PDE3A: variants seen among roughly 807,000 people sequenced by gnomAD.
PDE3A encodes the protein cGMP-inhibited 3',5'-cyclic phosphodiesterase 3A.
A neutral mutation model predicts 98.3 loss-of-function variants in PDE3A; 43 were observed. That is an observed-to-expected ratio of 0.44 (90% confidence interval 0.34 to 0.56). PDE3A has a LOEUF of 0.56. Ranked by LOEUF, PDE3A falls within the 20% of genes least tolerant of loss-of-function variation. PDE3A has a pLI of 0.01. For missense variants in PDE3A, 1,427 were observed against 1,440.7 expected (o/e 0.99, Z 0.15); for synonymous variants, 663 against 567.9 (o/e 1.17, Z -2.38).
At chr12:20,671,163 T>G (rs1945468128) in intron 15 of PDE3A, among the ~76,000 whole-genome samples, 1 of 147,178 alleles carries the variant, frequency 6.8e-6, no homozygotes, top group Non-Finnish European at 1.5e-5. Context: ...AAGTTGAATC[T>G]CTGAATAGAC....
chr12:20,508,602 C>G (rs1485787136), intron 1 of PDE3A, among the ~76,000 whole-genome samples: 2 of 151,894 alleles, frequency 1.3e-5, no homozygotes, highest in African/African-American at 4.8e-5. Context: ...TCCATTTAGA[C>G]GTCATACCCT....
chr12:20,669,545 C>T (rs1344609296), intron 15 of PDE3A, among the ~76,000 whole-genome samples: 1 of 151,994 alleles, frequency 6.6e-6, no homozygotes, highest in African/African-American at 2.4e-5. Flanking sequence ...GGCCAATATT[C>T]AACATTCTTA....
chr12:20,420,193 G>T (rs911945483), intron 1 of PDE3A, among the ~76,000 whole-genome samples: 1 of 152,132 alleles, frequency 6.6e-6, no homozygotes, highest in Admixed American at 6.5e-5. Context: ...CAAAGGGCTT[G>T]GGTATCACAT....
chr12:20,491,428 G>T (rs192691033), intron 1 of PDE3A, among the ~76,000 whole-genome samples: 2 of 152,282 alleles, frequency 1.3e-5, no homozygotes, highest in Non-Finnish European at 2.9e-5. Flanking sequence ...TCAATGGGTT[G>T]TTGTCATGGT....
At chr12:20,422,015 C>T (rs893172664) in intron 1 of PDE3A, among the ~76,000 whole-genome samples, 3 of 152,106 alleles carry the variant, frequency 2.0e-5, no homozygotes, top group Non-Finnish European at 2.9e-5. Context: ...ACTTCACTTG[C>T]GTTTTTGGTA....
At chr12:20,477,704 G>C (rs1945554319) in intron 1 of PDE3A, among the ~76,000 whole-genome samples, 1 of 152,186 alleles carries the variant, frequency 6.6e-6, no homozygotes, top group Non-Finnish European at 1.5e-5. Context: ...TCATGTATAA[G>C]ACGAAGAAAA....
chr12:20,531,766 A>G (rs1003785862), intron 1 of PDE3A, among the ~76,000 whole-genome samples: 2 of 152,214 alleles, frequency 1.3e-5, no homozygotes, highest in African/African-American at 4.8e-5. Context: ...ATTATTAAAC[A>G]AATGATACCA....
intron 2 of PDE3A, among the ~76,000 whole-genome samples, chr12:20,577,575 C>G (rs1942965280): frequency 6.6e-6 from 1 of 152,154 alleles, no homozygotes; most frequent in Non-Finnish European, 1.5e-5. Flanking sequence ...CAGATTCCAG[C>G]TGGCTTAGCC....
chr12:20,509,912 C>T (rs910185581), intron 1 of PDE3A, among the ~76,000 whole-genome samples: 12 of 152,008 alleles, frequency 7.9e-5, no homozygotes, highest in East Asian at 3.9e-4. Context: ...TTATTTATTA[C>T]GAAGCTGAAA....
chr12:20,467,687 A>C (rs967513368), intron 1 of PDE3A, among the ~76,000 whole-genome samples: 7 of 152,050 alleles, frequency 4.6e-5, no homozygotes, highest in Non-Finnish European at 5.9e-5. Context: ...CTGTAATCCC[A>C]GCATTTTGGG....
At chr12:20,582,311 G>A (rs1943086467) in intron 2 of PDE3A, among the ~76,000 whole-genome samples, 1 of 151,896 alleles carries the variant, frequency 6.6e-6, no homozygotes, top group South Asian at 2.1e-4. Context: ...TCCCACCTCA[G>A]ACCCAAGTAG....
intron 2 of PDE3A, among the ~76,000 whole-genome samples, chr12:20,580,607 T>C (rs1305599450): frequency 6.6e-6 from 1 of 152,198 alleles, no homozygotes; most frequent in East Asian, 1.9e-4. Flanking sequence ...AATGAACTAG[T>C]GTGCATTTTG....
At position 20,369,180 on chromosome 12, in the gene PDE3A, A is replaced by AGCGTGCGT. The variant is rs71039938; in HGVS notation, c.-99_-92dup. 7 of 626,860 alleles carry AGCGTGCGT rather than the reference A, an allele frequency of 1.1e-5. No individual in the cohort carries two copies. Among genetic ancestry groups the AGCGTGCGT allele is most frequent in the Middle Eastern group, 4.3e-4 (1 of 2,320 alleles). The allele number at this position is 626,860 out of a possible 1,614,324, so 38.8% of individuals were successfully genotyped here. On this transcript the variant is annotated 5_prime_UTR_variant, in exon 1 of 16. Transcript: ENST00000359062. Reference sequence around the variant, plus strand: ...GGATTCCGAGGGTGGAATTGGGAAGAGCGTGCGTGCGTGTGTGTGTGTGTG... The same window carrying AGCGTGCGT: ...GGATTCCGAGGGTGGAATTGGGAAGAGCGTGCGTGCGTGCGTGCGTGTGTGTGTGTGTG...
intron 5 of PDE3A, among the ~76,000 whole-genome samples, chr12:20,626,773 C>T (rs1409504411): frequency 1.3e-5 from 2 of 152,188 alleles, no homozygotes; most frequent in African/African-American, 2.4e-5. Context: ...GCTAGGATTA[C>T]AGGCATGAGC....
At chr12:20,514,246 G>C (rs923268457) in intron 1 of PDE3A, among the ~76,000 whole-genome samples, 6 of 152,074 alleles carry the variant, frequency 3.9e-5, no homozygotes, top group Non-Finnish European at 8.8e-5. Context: ...CTTGTTTTTA[G>C]TTTCAAATCA....
intron 2 of PDE3A, among the ~76,000 whole-genome samples, chr12:20,590,249 T>C (rs1943304682): frequency 6.6e-6 from 1 of 151,810 alleles, no homozygotes; most frequent in Admixed American, 6.6e-5. Context: ...TGATTCGGCT[T>C]CAGGGTTTGG....
At chr12:20,391,964 A>G (rs1457492182) in intron 1 of PDE3A, among the ~76,000 whole-genome samples, 1 of 151,990 alleles carries the variant, frequency 6.6e-6, no homozygotes, top group South Asian at 2.1e-4. Context: ...CAGAGCATCA[A>G]CGTGTGGGTG....
In PDE3A at chr12:20,681,367, G is replaced by C. The variant is rs1320532145; in HGVS notation, c.*1096G>C. The C allele has an allele frequency of 6.6e-6, 1 of 152,194 alleles. No homozygotes were observed. The highest frequency in any genetic ancestry group is 1.5e-5 in the Non-Finnish European group (1 of 68,032). 9.4% of individuals were successfully genotyped at this position (152,194 alleles called of 1,614,324 possible). ...AGAATTCTAAATGATGCCAGAGAAGGCTTGGGAAATTGTACTTCAGCGTGA... is the reference window on the plus strand; with the variant it reads ...AGAATTCTAAATGATGCCAGAGAAGCCTTGGGAAATTGTACTTCAGCGTGA... On this transcript the variant is annotated 3_prime_UTR_variant, in exon 16 of 16. Coordinates refer to ENST00000359062, the MANE Select transcript of PDE3A (RefSeq NM_000921.5).
At chr12:20,555,727 G>A (rs1400662260) in intron 1 of PDE3A, among the ~76,000 whole-genome samples, 1 of 152,118 alleles carries the variant, frequency 6.6e-6, no homozygotes, top group Non-Finnish European at 1.5e-5. Flanking sequence ...TTTACCAGTA[G>A]CACTGTATGT....
Sources: gnomAD v4.1 joint callset for allele counts (sites outside exome capture counted in the v4.1 genomes callset) on GRCh38, gnomAD v4.1.1 for gene constraint, MANE v1.5 for transcripts, NCBI Gene and HGNC (gene_info 2026-07-23, HGNC 2026-07-21) for gene names.